Variants in BMPR1A observed in about 807,000 individuals in gnomAD.
The protein encoded by BMPR1A is bone morphogenetic protein receptor type 1A, also known as bone morphogenetic protein receptor type-1A.
BMPR1A carries 7 observed loss-of-function variants against 66.0 expected under a neutral mutation model. That is an observed-to-expected ratio of 0.11 (90% confidence interval 0.06 to 0.20). The LOEUF (loss-of-function observed/expected upper bound fraction) is 0.20, where lower values mean the gene tolerates loss of function less well. Among genes scored for constraint, BMPR1A ranks in the 10% least tolerant of loss-of-function variants. The probability of loss-of-function intolerance (pLI) is 1.00; values close to 1 mark genes in which losing one functional copy is unlikely to be tolerated. For missense variants in BMPR1A, 408 were observed against 669.1 expected (o/e 0.61, Z 4.31); for synonymous variants, 200 against 229.7 (o/e 0.87, Z 1.17).
chr10:86,915,118 C>A (rs1307440821), intron 8 of BMPR1A, among the ~76,000 whole-genome samples: 1 of 152,154 alleles, frequency 6.6e-6, no homozygotes, highest in Non-Finnish European at 1.5e-5. Flanking sequence ...ACACAAAAGG[C>A]TACACAAAAG....
chr10:86,898,295 A>G (rs1482748591), intron 5 of BMPR1A, among the ~76,000 whole-genome samples: 1 of 151,948 alleles, frequency 6.6e-6, no homozygotes, highest in Non-Finnish European at 1.5e-5. Context: ...TTTATATGAA[A>G]TGTTTATATA....
chr10:86,812,248 C>T (rs747267875), intron 1 of BMPR1A, among the ~76,000 whole-genome samples: 1 of 152,186 alleles, frequency 6.6e-6, no homozygotes, highest in Non-Finnish European at 1.5e-5. Flanking sequence ...AACCTGTTTC[C>T]TGTCACTCTA....
chr10:86,854,669 A>C (rs1244700683), intron 2 of BMPR1A: 1 of 207,086 alleles, frequency 4.8e-6, no homozygotes, highest in African/African-American at 2.3e-5. Context: ...CGACCTGGAA[A>C]AGCTCATTGT....
At chr10:86,893,945 C>G (rs1455629686) in intron 5 of BMPR1A, among the ~76,000 whole-genome samples, 1 of 152,208 alleles carries the variant, frequency 6.6e-6, no homozygotes, top group Admixed American at 6.5e-5. Flanking sequence ...CCTAATCTCT[C>G]TTTAAGATGA....
intron 7 of BMPR1A, among the ~76,000 whole-genome samples, chr10:86,902,737 C>G (rs1375221603): frequency 6.6e-6 from 1 of 152,198 alleles, no homozygotes; most frequent in African/African-American, 2.4e-5. Context: ...ACCTTCTTCT[C>G]CCTGAACAGA....
intron 2 of BMPR1A, among the ~76,000 whole-genome samples, chr10:86,859,724 C>G (rs1044830634): frequency 1.3e-5 from 2 of 152,040 alleles, no homozygotes; most frequent in Admixed American, 1.3e-4. Context: ...GCAGGAGAAT[C>G]TCTTGAACCT....
chr10:86,770,749 C>A (rs1294390905), intron 1 of BMPR1A, among the ~76,000 whole-genome samples: 2 of 152,126 alleles, frequency 1.3e-5, no homozygotes, highest in South Asian at 2.1e-4. Context: ...TTTTTAATAA[C>A]CAAAAGCTAT....
intron 2 of BMPR1A, among the ~76,000 whole-genome samples, chr10:86,868,972 G>T (rs1842819651): frequency 1.3e-5 from 2 of 152,038 alleles, no homozygotes. Flanking sequence ...TGCCCATTTC[G>T]TCTAACTATT....
At chr10:86,824,262 T>G (rs7080294) in intron 1 of BMPR1A, among the ~76,000 whole-genome samples, 2,036 of 152,242 alleles carry the variant, frequency 0.013, 40 homozygotes, top group African/African-American at 0.047. Flanking sequence ...TGCATTGTGT[T>G]GGGGTAGTAG....
intron 1 of BMPR1A, among the ~76,000 whole-genome samples, chr10:86,782,114 C>T (rs531091236): frequency 5.3e-5 from 8 of 152,108 alleles, no homozygotes; most frequent in South Asian, 2.1e-4. Context: ...CCTCCCGCCT[C>T]GGCCTCCCAA....
chr10:86,791,487 C>T (rs901515736), intron 1 of BMPR1A, among the ~76,000 whole-genome samples: 2 of 151,890 alleles, frequency 1.3e-5, no homozygotes, highest in East Asian at 1.9e-4. Context: ...GCTGGGATTA[C>T]AGGCGTGAGC....
intron 2 of BMPR1A, among the ~76,000 whole-genome samples, chr10:86,867,306 A>G (rs1394799363): frequency 6.6e-6 from 1 of 152,254 alleles, no homozygotes; most frequent in Non-Finnish European, 1.5e-5. Flanking sequence ...TTACAAATTT[A>G]AAAATCCAAA....
intron 1 of BMPR1A, among the ~76,000 whole-genome samples, chr10:86,765,989 C>CTT (rs67035271): frequency 0.067 from 8,874 of 131,800 alleles, 422 homozygotes; most frequent in Non-Finnish European, 0.078. Flanking sequence ...TTTCCTCATT[C>CTT]TTTTTTTTTT....
At chr10:86,918,940 A>G (rs1468540315) in intron 9 of BMPR1A, among the ~76,000 whole-genome samples, 1 of 151,866 alleles carries the variant, frequency 6.6e-6, no homozygotes, top group Non-Finnish European at 1.5e-5. Flanking sequence ...TCTTAATCCT[A>G]TTCACTTTCA....
intron 5 of BMPR1A, among the ~76,000 whole-genome samples, chr10:86,899,395 A>G (rs910545994): frequency 6.6e-6 from 1 of 152,224 alleles, no homozygotes; most frequent in African/African-American, 2.4e-5. Flanking sequence ...CAGGGTCTGC[A>G]GCGCCTCTGC....
chr10:86,854,797 T>C, intron 2 of BMPR1A: 1 of 248,554 alleles, frequency 4.0e-6, no homozygotes, highest in African/African-American at 2.3e-5. Context: ...TTTTCCAAGT[T>C]CTCATCAGTG....
chr10:86,861,329 T>C (rs566461303), intron 2 of BMPR1A, among the ~76,000 whole-genome samples: 1 of 152,350 alleles, frequency 6.6e-6, no homozygotes, highest in South Asian at 2.1e-4. Flanking sequence ...CTTAAACCTA[T>C]GGGTTTGTAA....
chr10:86,827,413 C>T (rs1842211172), intron 1 of BMPR1A, among the ~76,000 whole-genome samples: 1 of 152,084 alleles, frequency 6.6e-6, no homozygotes, highest in South Asian at 2.1e-4. Flanking sequence ...ATGGAATATT[C>T]TATGAATATA....
rs1373147306 is a variant in BMPR1A, at chr10:86,925,269, A to G, written c.*1550A>G. 1 of 223,978 alleles carries G rather than the reference A, an allele frequency of 4.5e-6. No homozygotes were observed. Among genetic ancestry groups the G allele is most frequent in the Non-Finnish European group, 8.9e-6 (1 of 112,946 alleles). 13.9% of individuals were successfully genotyped at this position (223,978 alleles called of 1,614,324 possible). A position where few individuals can be genotyped will look rare whatever the true frequency, so the allele number is the denominator to read the frequency against. ...TTTAAATATTTATTCTGAGCAAACAATTCATGAGTACATCAAGTGAGATAG... is the reference window on the plus strand; with the variant it reads ...TTTAAATATTTATTCTGAGCAAACAGTTCATGAGTACATCAAGTGAGATAG... On this transcript the variant is annotated 3_prime_UTR_variant, in exon 13 of 13. Transcript: ENST00000372037.
Sources: gnomAD v4.1 joint callset for allele counts (sites outside exome capture counted in the v4.1 genomes callset) on GRCh38, gnomAD v4.1.1 for gene constraint, MANE v1.5 for transcripts, NCBI Gene and HGNC (gene_info 2026-07-23, HGNC 2026-07-21) for gene names.